The following CFAP61 variants were observed in gnomAD, a reference collection of about 807,000 sequenced individuals.
The protein encoded by CFAP61 is cilia- and flagella-associated protein 61.
In CFAP61, 107 loss-of-function variants were observed where a neutral mutation model predicts 135.6. The observed-to-expected ratio is 0.79, with a 90% CI of 0.67 to 0.93. The LOEUF is 0.93. CFAP61 is among the 40% of genes least tolerant of loss of function. The pLI is 0.00. For synonymous variants in CFAP61, 575 were observed against 578.5 expected (o/e 0.99, Z 0.09); for missense variants, 1,507 against 1,556.2 (o/e 0.97, Z 0.53).
intron 8 of CFAP61, among the ~76,000 whole-genome samples, chr20:20,100,373 A>G (rs1328774461): frequency 6.6e-6 from 1 of 152,014 alleles, no homozygotes; most frequent in Non-Finnish European, 1.5e-5. Flanking sequence ...GGGTTTCACC[A>G]TGTTGGCCAG....
rs540169220 is a variant in CFAP61 at position 20,342,698 on chromosome 20, T to C, written c.3513+777T>C. ...CTCCTGGGAGCCCCCACGCGCCTTA[T>C]TGGACGGCACTGCTAGGGAGCGCGC... On this transcript the variant is annotated intron_variant, in intron 26 of 26. Transcript: ENST00000245957. Among the ~76,000 whole-genome samples the C allele has an allele frequency of 3.4e-3, 511 of 152,278 alleles. 6 individuals are homozygous for C. Among genetic ancestry groups the C allele is most frequent in the African/African-American group, 0.012 (492 of 41,554 alleles).
chr20:20,353,351 T>G (rs1029317084), intron 26 of CFAP61, among the ~76,000 whole-genome samples: 42 of 152,164 alleles, frequency 2.8e-4, no homozygotes, highest in African/African-American at 8.9e-4. Context: ...TGGGTGCAGG[T>G]GTGGATGGAA....
intron 25 of CFAP61, among the ~76,000 whole-genome samples, chr20:20,332,043 G>A (rs1199929098): frequency 6.6e-6 from 1 of 152,164 alleles, no homozygotes; most frequent in Non-Finnish European, 1.5e-5. Context: ...CCAACTTCCA[G>A]GGCACTAGAT....
chr20:20,188,918 T>A (rs912538869), intron 14 of CFAP61, among the ~76,000 whole-genome samples: 1 of 152,232 alleles, frequency 6.6e-6, no homozygotes, highest in African/African-American at 2.4e-5. Flanking sequence ...AGATCAGAGA[T>A]TGGCTATGCC....
intron 8 of CFAP61, among the ~76,000 whole-genome samples, chr20:20,131,668 G>A (rs549029559): frequency 8.0e-5 from 12 of 150,154 alleles, no homozygotes; most frequent in East Asian, 7.8e-4. Flanking sequence ...TTGTATTCCT[G>A]GGCTTATTTG....
rs373819654 is a variant in CFAP61 at position 20,111,459 on chromosome 20, CA to C, written c.859+12646del. Among the ~76,000 whole-genome samples, 4 of 152,294 alleles carry C rather than the reference CA, an allele frequency of 2.6e-5. 1 individual carries two copies. Among genetic ancestry groups the C allele is most frequent in the African/African-American group, 7.2e-5 (3 of 41,568 alleles). On this transcript the variant is annotated intron_variant, in intron 8 of 26. Transcript: ENST00000245957. ...CCTCCAAGGCTGGGAACCCTGAATG[CA>C]GGCACCAGTATGCTTTTTCCAAGAG...
chr20:20,224,352 C>T (rs1270553447), intron 17 of CFAP61, among the ~76,000 whole-genome samples: 2 of 152,126 alleles, frequency 1.3e-5, no homozygotes, highest in Non-Finnish European at 2.9e-5. Flanking sequence ...ACATTCCTCC[C>T]CGCCCCGCAA....
rs1296846030 is a variant in CFAP61, at chr20:20,359,258, T to C, written c.3514-952T>C. 1.3e-5 allele frequency among the ~76,000 whole-genome samples: 2 copies of C among 152,264 alleles called. No individual in the cohort carries two copies. The highest frequency in any genetic ancestry group is 2.9e-5 in the Non-Finnish European group (2 of 68,042). On this transcript the variant is annotated intron_variant, in intron 26 of 26. Transcript: ENST00000245957. The surrounding 1 kb of genome is among the most constrained non-coding windows in gnomAD (Gnocchi z 4.0). The stretch of plus-strand genomic sequence containing the variant: ...ATTTGACTTGATTGTGAATTTATTC[T>C]AAGGTTTTAAAATCCCACTTCTTGG...
intron 9 of CFAP61, among the ~76,000 whole-genome samples, chr20:20,157,501 G>T (rs961826728): frequency 6.6e-6 from 1 of 152,140 alleles, no homozygotes; most frequent in African/African-American, 2.4e-5. Context: ...TTTGACAAAG[G>T]CACATGGCAA....
intron 18 of CFAP61, among the ~76,000 whole-genome samples, chr20:20,239,280 C>T (rs927618246): frequency 3.3e-5 from 5 of 152,166 alleles, no homozygotes; most frequent in Admixed American, 6.5e-5. Context: ...TATTTAGACA[C>T]TGCTAAATCG....
At chr20:20,207,535 AC>A (rs2056912004) in intron 17 of CFAP61, among the ~76,000 whole-genome samples, 3 of 152,232 alleles carry the variant, frequency 2.0e-5, no homozygotes, top group Non-Finnish European at 4.4e-5. Context: ...CCAGGCAGAA[AC>A]TGGCCGTGGC....
intron 19 of CFAP61, among the ~76,000 whole-genome samples, chr20:20,249,520 C>G (rs189795029): frequency 6.6e-6 from 1 of 152,278 alleles, no homozygotes; most frequent in East Asian, 1.9e-4. Context: ...GGCTGGGTGA[C>G]AGAGTGAGAT....
intron 13 of CFAP61, among the ~76,000 whole-genome samples, chr20:20,174,193 A>G (rs558191128): frequency 6.6e-6 from 1 of 152,328 alleles, no homozygotes; most frequent in Admixed American, 6.5e-5. Context: ...GTCTTTAACA[A>G]GTCATGTGTT....
chr20:20,266,105 A>C (rs1433323111), intron 21 of CFAP61, among the ~76,000 whole-genome samples: 2 of 152,230 alleles, frequency 1.3e-5, no homozygotes, highest in Non-Finnish European at 2.9e-5. Context: ...AGAGCCTCCT[A>C]AATAAACCAT....
intron 2 of CFAP61, among the ~76,000 whole-genome samples, chr20:20,069,032 C>T (rs1107170): frequency 0.054 from 8,248 of 152,246 alleles, 256 homozygotes; most frequent in East Asian, 0.1. Flanking sequence ...CGTGAGCCAC[C>T]GCGCCCGGCC....
At chr20:20,168,450 AAT>A (rs1229997417) in intron 12 of CFAP61, among the ~76,000 whole-genome samples, 1 of 152,210 alleles carries the variant, frequency 6.6e-6, no homozygotes, top group Non-Finnish European at 1.5e-5. Flanking sequence ...TTTGAAATCT[AAT>A]ATATATTTCA....
intron 19 of CFAP61, among the ~76,000 whole-genome samples, chr20:20,251,154 A>G (rs1211216243): frequency 6.6e-6 from 1 of 152,218 alleles, no homozygotes; most frequent in African/African-American, 2.4e-5. Context: ...TCGGTATTCA[A>G]AGATTCTGAC....
In CFAP61 at chr20:20,313,655, G is replaced by A. The variant is rs377585672; in HGVS notation, c.3422+15269G>A. 2.2e-4 allele frequency among the ~76,000 whole-genome samples: 33 copies of A among 152,300 alleles called. 1 individual carries two copies. Among genetic ancestry groups the A allele is most frequent in the Admixed American group, 1.4e-3 (21 of 15,294 alleles). ...GTAGTGTCCTCATTCTCACCAAACC[G>A]AGTAACATGAGTGAAAATGAGAGAG... On this transcript the variant is annotated intron_variant, in intron 25 of 26. Transcript: ENST00000245957.
intron 25 of CFAP61, among the ~76,000 whole-genome samples, chr20:20,332,887 G>C (rs1158177873): frequency 1.3e-5 from 2 of 152,158 alleles, no homozygotes; most frequent in Non-Finnish European, 2.9e-5. Flanking sequence ...ACAGCACTGA[G>C]ATTACAGGCA....
Sources: allele counts gnomAD v4.1 joint callset (sites outside exome capture counted in the v4.1 genomes callset), GRCh38; gene constraint gnomAD v4.1.1; non-coding constraint Gnocchi (gnomAD v3.1); transcripts MANE v1.5; gene names NCBI Gene and HGNC (gene_info 2026-07-23, HGNC 2026-07-21).